DSG4: variants seen among roughly 807,000 people sequenced by gnomAD.
DSG4 encodes the protein desmoglein-4.
DSG4 carries 87 observed loss-of-function variants against 93.1 expected under a neutral mutation model. That is an observed-to-expected ratio of 0.93 (90% confidence interval 0.79 to 1.12). The LOEUF (loss-of-function observed/expected upper bound fraction) is 1.12, where lower values mean the gene tolerates loss of function less well. Among genes scored for constraint, DSG4 ranks in the 50% most tolerant of loss-of-function variants. The pLI is 0.00. For missense variants in DSG4, 1,373 were observed against 1,285.7 expected (o/e 1.07, Z -1.04); for synonymous variants, 432 against 452.9 (o/e 0.95, Z 0.59).
intron 5 of DSG4, 53 bp from the exon 6 acceptor site, chr18:31,390,603 C>T: frequency 1.2e-6 from 2 of 1,606,000 alleles, no homozygotes; most frequent in South Asian, 2.2e-5. Context: ...TAATGATTTG[C>T]TGAATTTATT....
intron 1 of DSG4, among the ~76,000 whole-genome samples, chr18:31,377,669 C>G (rs999283190): frequency 2.0e-5 from 3 of 152,126 alleles, no homozygotes; most frequent in Admixed American, 2.0e-4. Flanking sequence ...GCATGCATAG[C>G]AAATATCCTA....
intron 1 of DSG4, 53 bp downstream of exon 1, chr18:31,377,012 C>G (rs914529576): frequency 3.8e-6 from 6 of 1,581,750 alleles, no homozygotes; most frequent in Non-Finnish European, 5.2e-6. Flanking sequence ...GGTCTTGTCT[C>G]TGTCAACTGT....
At chr18:31,408,985 A>C (rs2072456097) in intron 12 of DSG4, among the ~76,000 whole-genome samples, 1 of 152,124 alleles carries the variant, frequency 6.6e-6, no homozygotes, top group African/African-American at 2.4e-5. Flanking sequence ...ATCTCCATTA[A>C]ATTTAGTGAG....
At chr18:31,407,450 G>T (rs1362356166) in intron 12 of DSG4, among the ~76,000 whole-genome samples, 1 of 151,666 alleles carries the variant, frequency 6.6e-6, no homozygotes, top group Non-Finnish European at 1.5e-5. Context: ...CCCAAAAAGG[G>T]CCCTCCTTTC....
intron 8 of DSG4, among the ~76,000 whole-genome samples, chr18:31,395,095 T>C (rs1449268816): frequency 6.6e-6 from 1 of 152,162 alleles, no homozygotes; most frequent in Non-Finnish European, 1.5e-5. Flanking sequence ...ACTATTTACC[T>C]GAAACTAATG....
chr18:31,390,638 C>A lies in DSG4; in HGVS notation c.518-18C>A. The A allele has an allele frequency of 6.2e-7, 1 of 1,613,092 alleles. No individual in the cohort carries two copies. The highest frequency in any genetic ancestry group is 8.5e-7 in the Non-Finnish European group (1 of 1,179,298). ...TCTAAGAGTCCCAACCATTCTCCAC[C>A]TCCATTTCTATTTCTAGATACATTG... On this transcript the variant is annotated intron_variant, in intron 5 of 15. Coordinates refer to ENST00000308128, the MANE Select transcript of DSG4 (RefSeq NM_177986.5).
At position 31,412,801 on chromosome 18, in the gene DSG4, T is replaced by G. The variant is rs760892214; in HGVS notation, c.2356-27T>G. On this transcript the variant is annotated intron_variant, in intron 15 of 15. Transcript: ENST00000308128. ...CTTATTTTAGGGAAAAAGAAATTTC[T>G]AATTCTGTATTTCCTTTTAATTTTA... 9 of 1,613,206 alleles carry G rather than the reference T, an allele frequency of 5.6e-6. No individual in the cohort carries two copies. The East Asian group carries it at 1.6e-4, about 28-fold the overall frequency.
At chr18:31,401,681 A>C (rs2072369268) in intron 10 of DSG4, 1 of 152,182 alleles carries the variant, frequency 6.6e-6, no homozygotes, top group Non-Finnish European at 1.5e-5. Flanking sequence ...TAATGATTCT[A>C]TGAAGCAGTG....
At position 31,396,827 on chromosome 18, in the gene DSG4, C is replaced by T. The variant is rs565203917; in HGVS notation, c.1006-2445C>T. ...ACTGCGTAATTGGGGGCCAGTAAAA[C>T]CGATTTTAGGAAAGAACTAGCATGC... On this transcript the variant is annotated intron_variant, in intron 8 of 15. Transcript: ENST00000308128. Among the ~76,000 whole-genome samples the T allele has an allele frequency of 1.8e-4, 28 of 152,230 alleles. 1 individual carries two copies. In the South Asian group the frequency reaches 5.8e-3, roughly 32 times the overall value.
chr18:31,394,830 A>G (rs911415130), intron 8 of DSG4, among the ~76,000 whole-genome samples: 4 of 152,160 alleles, frequency 2.6e-5, no homozygotes, highest in African/African-American at 9.7e-5. Flanking sequence ...TAAACCTTGC[A>G]TCCTGGTTAA....
rs5823806 is a variant in DSG4, at chr18:31,400,511, CA to C, written c.1278-362del. ...TGAAATCAACATAGCTGAAAAGCCA[CA>C]AAAAAAATCCTAAGTATACCACATA... On this transcript the variant is annotated intron_variant, in intron 9 of 15. Transcript: ENST00000308128. Among the ~76,000 whole-genome samples, 6 of 151,498 alleles carry C rather than the reference CA, an allele frequency of 4.0e-5. No individual in the cohort carries two copies. The East Asian group carries it at 9.7e-4, about 24-fold the overall frequency.
chr18:31,383,651 A>G (rs2072158771), intron 1 of DSG4, among the ~76,000 whole-genome samples: 1 of 152,104 alleles, frequency 6.6e-6, no homozygotes, highest in Non-Finnish European at 1.5e-5. Context: ...TCTTTCCTCA[A>G]GTCAATCTAC....
intron 2 of DSG4, among the ~76,000 whole-genome samples, chr18:31,386,425 C>T (rs947064061): frequency 1.3e-5 from 2 of 152,090 alleles, no homozygotes; most frequent in Non-Finnish European, 2.9e-5. Context: ...TACAGTATGG[C>T]ACATCATGAG....
Position 31,412,859 on chromosome 18 carries a change from G to A in DSG4, c.2387G>A (p.Gly796Asp). The A allele has an allele frequency of 1.2e-6, 2 of 1,614,130 alleles. No homozygotes were observed. The highest frequency in any genetic ancestry group is 2.2e-5 in the South Asian group (2 of 91,080). ...TATGCTTATGCAGATGAAGATGAAGGTCGACCAGCCAATGACTGCTTGCTC... is the reference window on the plus strand; with the variant it reads ...TATGCTTATGCAGATGAAGATGAAGATCGACCAGCCAATGACTGCTTGCTC... ...KAYAYADEDE[G>D]RPANDCLLIY... Residue 796 changes from glycine (G) to aspartate (D), a missense_variant, in exon 16 of 16, where the codon GGT (glycine) becomes GAT (aspartate). Coordinates refer to ENST00000308128, the MANE Select transcript of DSG4 (RefSeq NM_177986.5).
At position 31,410,616 on chromosome 18, in the gene DSG4, C is replaced by A. The variant is rs1296553078; in HGVS notation, c.2138-615C>A. 2.6e-5 allele frequency among the ~76,000 whole-genome samples: 4 copies of A among 152,132 alleles called. No homozygotes were observed. In the East Asian group the frequency reaches 7.7e-4, roughly 29 times the overall value. ...ACAAGCTTTTGCCTCAAAAGAGTGT[C>A]GTAAACTCTCCTATCTTACCAGCCC... On this transcript the variant is annotated intron_variant, in intron 14 of 15. Transcript: ENST00000308128.
intron 4 of DSG4, 58 bp downstream of exon 4, chr18:31,388,580 A>C: frequency 6.3e-7 from 1 of 1,599,058 alleles, no homozygotes; most frequent in Non-Finnish European, 8.6e-7. Flanking sequence ...CTTTTTCAAA[A>C]AATATTATCT....
rs1234508325 is a variant in DSG4, at chr18:31,413,261, C to T, written c.2789C>T (p.Ala930Val). 2.5e-6 allele frequency: 4 copies of T among 1,614,148 alleles called. No individual in the cohort carries two copies. Among genetic ancestry groups the T allele is most frequent in the Admixed American group, 1.7e-5 (1 of 60,018 alleles). ...ACAATTATTTTTGATCCTCAGCTTG[C>T]ACCCAATGTTGTAGTAACCGAAGCA... Reference protein sequence around the residue: ...PTTIIFDPQLAPNVVVTEAVM... With the variant: ...PTTIIFDPQLVPNVVVTEAVM... The change falls in exon 16 of 16, where the codon GCA (alanine) becomes GTA (valine). Residue 930 changes from alanine (A) to valine (V), a missense_variant. By Grantham distance (64) the Ala-to-Val change is moderately conservative (BLOSUM62 0). Coordinates refer to ENST00000308128, the MANE Select transcript of DSG4 (RefSeq NM_177986.5).
At position 31,398,316 on chromosome 18, in the gene DSG4, G is replaced by A. The variant is rs148763193; in HGVS notation, c.1006-956G>A. Reference sequence around the variant, plus strand: ...GGCTGAAATTCAAGCACGGCATGCTGAGCCATCTCCAAAGAAGAACCCAAG... The same window carrying A: ...GGCTGAAATTCAAGCACGGCATGCTAAGCCATCTCCAAAGAAGAACCCAAG... On this transcript the variant is annotated intron_variant, in intron 8 of 15. Coordinates refer to ENST00000308128, the MANE Select transcript of DSG4 (RefSeq NM_177986.5). 2.2e-3 allele frequency among the ~76,000 whole-genome samples: 339 copies of A among 152,252 alleles called. 2 individuals carry two copies. The highest frequency in any genetic ancestry group is 7.8e-3 in the African/African-American group (326 of 41,550).
At chr18:31,389,127 T>G (rs1391455887) in intron 5 of DSG4, 109 bp downstream of exon 5, 1 of 1,284,256 alleles carries the variant, frequency 7.8e-7, no homozygotes, top group African/African-American at 1.5e-5. Context: ...AAAGCCACAC[T>G]TGTATTTTGA....
Sources: gnomAD v4.1 joint callset for allele counts (sites outside exome capture counted in the v4.1 genomes callset) on GRCh38, gnomAD v4.1.1 for gene constraint, MANE v1.5 for transcripts, NCBI Gene and HGNC (gene_info 2026-07-23, HGNC 2026-07-21) for gene names.